The following FZD3 variants were observed in gnomAD, a reference collection of about 807,000 sequenced individuals.
The protein encoded by FZD3 is frizzled-3.
In FZD3, 30 loss-of-function variants were observed where a neutral mutation model predicts 60.7. The observed-to-expected ratio is 0.49, with a 90% CI of 0.37 to 0.67. The LOEUF is 0.67. Among genes scored for constraint, FZD3 ranks in the 30% least tolerant of loss-of-function variants. The pLI is 0.00. For synonymous variants in FZD3, 246 were observed against 275.2 expected (o/e 0.89, Z 1.05); for missense variants, 605 against 838.7 (o/e 0.72, Z 3.44).
intron 3 of FZD3, 36 bp downstream of exon 3, chr8:28,503,238 A>G (rs1224077546): frequency 1.4e-6 from 2 of 1,385,518 alleles, no homozygotes; most frequent in Non-Finnish European, 2.0e-6. Flanking sequence ...TATCTTAGTA[A>G]ATGACTCTTG....
At chr8:28,500,314 A>G (rs945618395) in intron 2 of FZD3, among the ~76,000 whole-genome samples, 7 of 152,202 alleles carry the variant, frequency 4.6e-5, no homozygotes, top group African/African-American at 1.4e-4. Context: ...ACTTGCAAGT[A>G]AGGCAAAAGG....
In FZD3 at chr8:28,564,978, G is replaced by C. The variant is rs985842467; in HGVS notation, c.*1967G>C. 6.6e-6 allele frequency: 1 copy of C among 152,154 alleles called. No homozygotes were observed. The highest frequency in any genetic ancestry group is 2.4e-5 in the African/African-American group (1 of 41,436). 9.4% of individuals were successfully genotyped at this position (152,154 alleles called of 1,614,324 possible). A position where few individuals can be genotyped will look rare whatever the true frequency, so the allele number is the denominator to read the frequency against. On this transcript the variant is annotated 3_prime_UTR_variant, in exon 8 of 8. Coordinates refer to ENST00000240093, the MANE Select transcript of FZD3 (RefSeq NM_017412.4). ...AGCATTATGAATGATAAGGGATTAGGTTATTGTGGATTTAAGAGGTGTGAG... is the reference window on the plus strand; with the variant it reads ...AGCATTATGAATGATAAGGGATTAGCTTATTGTGGATTTAAGAGGTGTGAG...
At chr8:28,526,504 T>C (rs1376506606) in intron 4 of FZD3, among the ~76,000 whole-genome samples, 7 of 152,154 alleles carry the variant, frequency 4.6e-5, no homozygotes, top group African/African-American at 1.7e-4. Flanking sequence ...CTGCTATATT[T>C]TGTGTATGTT....
chr8:28,512,009 C>G (rs958609830), intron 3 of FZD3, among the ~76,000 whole-genome samples: 3 of 152,190 alleles, frequency 2.0e-5, no homozygotes, highest in Non-Finnish European at 2.9e-5. Context: ...TACCTAAGCT[C>G]TTAATCTCCT....
chr8:28,526,371 A>T (rs1804715588), intron 4 of FZD3, among the ~76,000 whole-genome samples: 1 of 152,122 alleles, frequency 6.6e-6, no homozygotes, highest in Non-Finnish European at 1.5e-5. Flanking sequence ...TACTGATTTA[A>T]AATCCTGTAT....
chr8:28,526,802 G>A (rs927063193), intron 4 of FZD3, among the ~76,000 whole-genome samples: 2 of 152,130 alleles, frequency 1.3e-5, no homozygotes, highest in African/African-American at 2.4e-5. Context: ...GTTACTGGGA[G>A]TCTGAAGTCT....
At chr8:28,498,003 T>C (rs1437961760) in intron 1 of FZD3, among the ~76,000 whole-genome samples, 1 of 152,228 alleles carries the variant, frequency 6.6e-6, no homozygotes, top group Non-Finnish European at 1.5e-5. Context: ...ACCTGATAAA[T>C]AATGGTTGGA....
intron 3 of FZD3, among the ~76,000 whole-genome samples, chr8:28,507,329 T>G (rs371250728): frequency 5.9e-5 from 9 of 152,202 alleles, no homozygotes; most frequent in South Asian, 2.1e-4. Context: ...CCCTGTGGTG[T>G]TGTTTACCGT....
At chr8:28,546,360 G>T (rs1585993024) in intron 5 of FZD3, among the ~76,000 whole-genome samples, 1 of 152,142 alleles carries the variant, frequency 6.6e-6, no homozygotes, top group Non-Finnish European at 1.5e-5. Flanking sequence ...GCAAATCAGG[G>T]CTTCCCTTGA....
chr8:28,543,398 T>G (rs1028124175), intron 5 of FZD3, among the ~76,000 whole-genome samples: 9 of 151,252 alleles, frequency 6.0e-5, no homozygotes, highest in Non-Finnish European at 5.9e-5. Context: ...GTTTTTTTTT[T>G]GAGATGGAGT....
In FZD3 at chr8:28,566,013, A is replaced by G. The variant is rs1805699500; in HGVS notation, c.*3002A>G. 1 of 152,176 alleles carries G rather than the reference A, an allele frequency of 6.6e-6. No homozygotes were observed. Among genetic ancestry groups the G allele is most frequent in the African/African-American group, 2.4e-5 (1 of 41,452 alleles). 9.4% of individuals were successfully genotyped at this position (152,176 alleles called of 1,614,324 possible). A position where few individuals can be genotyped will look rare whatever the true frequency, so the allele number is the denominator to read the frequency against. ...AATAACTAGACAAAAGATCTAAGAT[A>G]ATATTAAACTCAAAACAGTTTGTTT... On this transcript the variant is annotated 3_prime_UTR_variant, in exon 8 of 8. Transcript: ENST00000240093.
chr8:28,507,959 A>G (rs778945571), intron 3 of FZD3, among the ~76,000 whole-genome samples: 3 of 152,136 alleles, frequency 2.0e-5, no homozygotes, highest in East Asian at 1.9e-4. Flanking sequence ...TGGAGCAATC[A>G]TAGCTCACTG....
chr8:28,532,459 C>T (rs534966109), intron 5 of FZD3, among the ~76,000 whole-genome samples: 2 of 152,256 alleles, frequency 1.3e-5, no homozygotes, highest in East Asian at 1.9e-4. Context: ...GACAAAGTCT[C>T]GCTCTGTTGC....
intron 3 of FZD3, among the ~76,000 whole-genome samples, chr8:28,511,442 G>A (rs28612485): frequency 0.021 from 3,246 of 152,250 alleles, 107 homozygotes; most frequent in African/African-American, 0.074. Context: ...CCGTGATTGC[G>A]CCTCTGTACT....
At chr8:28,526,721 TG>T (rs1019484295) in intron 4 of FZD3, among the ~76,000 whole-genome samples, 5 of 152,238 alleles carry the variant, frequency 3.3e-5, no homozygotes, top group Non-Finnish European at 7.3e-5. Context: ...CATAAAGTTA[TG>T]TATGTGTTTG....
chr8:28,503,448 C>T (rs770724364), intron 3 of FZD3, among the ~76,000 whole-genome samples: 4 of 152,138 alleles, frequency 2.6e-5, no homozygotes, highest in Non-Finnish European at 5.9e-5. Flanking sequence ...AACATCAGAA[C>T]ATGGGAGATA....
intron 4 of FZD3, among the ~76,000 whole-genome samples, chr8:28,523,549 C>G (rs1192721448): frequency 6.6e-6 from 1 of 151,840 alleles, no homozygotes; most frequent in Admixed American, 6.6e-5. Context: ...TCTGCCTCAG[C>G]CTCCCAAGTA....
intron 7 of FZD3, among the ~76,000 whole-genome samples, chr8:28,561,625 A>T (rs147621473): frequency 6.6e-6 from 1 of 151,460 alleles, no homozygotes; most frequent in Non-Finnish European, 1.5e-5. Context: ...AGCCTGCTAT[A>T]TTTTATTTTT....
chr8:28,504,761 C>G (rs1804091999), intron 3 of FZD3, among the ~76,000 whole-genome samples: 1 of 152,194 alleles, frequency 6.6e-6, no homozygotes, highest in Admixed American at 6.5e-5. Context: ...TCTAAATCAT[C>G]TAAAGGGAAG....
Sources: gnomAD v4.1 joint callset for allele counts (sites outside exome capture counted in the v4.1 genomes callset) on GRCh38, gnomAD v4.1.1 for gene constraint, MANE v1.5 for transcripts, NCBI Gene and HGNC (gene_info 2026-07-23, HGNC 2026-07-21) for gene names.